Variants in FSTL4 observed in about 807,000 individuals in gnomAD.
FSTL4 encodes follistatin-related protein 4.
Under a neutral mutation model 78.2 loss-of-function variants are expected in FSTL4, and 28 were observed. The ratio of observed to expected loss-of-function variants is 0.36; its 90% CI spans 0.27 to 0.49. The LOEUF (loss-of-function observed/expected upper bound fraction) is 0.49, where lower values mean the gene tolerates loss of function less well. FSTL4 is among the 20% of genes least tolerant of loss of function. The pLI, the probability that FSTL4 is intolerant of heterozygous loss-of-function variation, is 0.98. For synonymous variants in FSTL4, 422 were observed against 440.5 expected (o/e 0.96, Z 0.53); for missense variants, 922 against 1,084.9 (o/e 0.85, Z 2.11).
At chr5:133,830,676 C>T in the FSTL4 span, among the ~76,000 whole-genome samples, 1 of 152,212 alleles carries the variant, frequency 6.6e-6, no homozygotes, top group East Asian at 1.9e-4. Flanking sequence ...GAGCTGGCAC[C>T]TGTGCTGGCC....
At chr5:133,384,713 G>C (rs957389430) in intron 4 of FSTL4, among the ~76,000 whole-genome samples, 1 of 152,130 alleles carries the variant, frequency 6.6e-6, no homozygotes, top group Non-Finnish European at 1.5e-5. Flanking sequence ...TGATCTTTCT[G>C]AACACCAGGC....
At chr5:133,391,236 G>T (rs1216090479) in intron 4 of FSTL4, among the ~76,000 whole-genome samples, 1 of 152,210 alleles carries the variant, frequency 6.6e-6, no homozygotes, top group African/African-American at 2.4e-5. Context: ...CTACACGGGG[G>T]CCTTGATCTT....
intron 3 of FSTL4, among the ~76,000 whole-genome samples, chr5:133,527,652 G>C (rs1412395320): frequency 1.3e-5 from 2 of 152,234 alleles, no homozygotes; most frequent in East Asian, 1.9e-4. Flanking sequence ...ACTCAGAGTA[G>C]CAAGAGTCAT....
At chr5:133,793,129 C>A in the FSTL4 span, among the ~76,000 whole-genome samples, 3 of 152,178 alleles carry the variant, frequency 2.0e-5, no homozygotes, top group Non-Finnish European at 2.9e-5. Flanking sequence ...ACAACTGAGG[C>A]CCACCCCTCA....
chr5:133,313,173 C>T (rs1753828587), intron 5 of FSTL4, among the ~76,000 whole-genome samples: 1 of 152,222 alleles, frequency 6.6e-6, no homozygotes, highest in African/African-American at 2.4e-5. Flanking sequence ...TGGCTGAACT[C>T]AGTGTGGGGA....
the FSTL4 span, among the ~76,000 whole-genome samples, chr5:133,657,766 GTTTTTTTTGTTTTTTTT>G: frequency 4.7e-5 from 4 of 85,944 alleles, no homozygotes; most frequent in African/African-American, 1.0e-4. Flanking sequence ...ACTGTTTTTT[GTTTTTTTTGTTTTTTTT>G]TTTTTTTACC....
chr5:133,712,463 A>G, the FSTL4 span, among the ~76,000 whole-genome samples: 1 of 152,200 alleles, frequency 6.6e-6, no homozygotes, highest in Non-Finnish European at 1.5e-5. Context: ...GACTGGGTTC[A>G]AATCCTGGTC....
At chr5:133,208,603 T>C (rs889199405) in intron 14 of FSTL4, among the ~76,000 whole-genome samples, 1 of 152,264 alleles carries the variant, frequency 6.6e-6, no homozygotes, top group African/African-American at 2.4e-5. Flanking sequence ...GGGTTTGCTC[T>C]GTGATTTGAG....
intron 3 of FSTL4, among the ~76,000 whole-genome samples, chr5:133,498,248 T>A (rs1211147786): frequency 1.3e-5 from 2 of 152,186 alleles, no homozygotes; most frequent in Admixed American, 1.3e-4. Flanking sequence ...CATTCTCTCA[T>A]CTCTGTCTTC....
chr5:133,534,275 A>G (rs1269643074), intron 3 of FSTL4, among the ~76,000 whole-genome samples: 1 of 152,074 alleles, frequency 6.6e-6, no homozygotes, highest in East Asian at 1.9e-4. Flanking sequence ...CTGTCACTTG[A>G]GTTTAAGAAA....
the FSTL4 span, among the ~76,000 whole-genome samples, chr5:133,632,074 C>G: frequency 6.6e-6 from 1 of 152,076 alleles, no homozygotes; most frequent in Non-Finnish European, 1.5e-5. Context: ...TGCAGCAAAC[C>G]ACCATGGCAC....
At chr5:133,494,083 G>A (rs929434778) in intron 3 of FSTL4, among the ~76,000 whole-genome samples, 2 of 152,156 alleles carry the variant, frequency 1.3e-5, no homozygotes. Flanking sequence ...GCCATACTAA[G>A]ATATCTGGTT....
chr5:133,662,258 C>T, the FSTL4 span, among the ~76,000 whole-genome samples: 1 of 152,204 alleles, frequency 6.6e-6, no homozygotes, highest in African/African-American at 2.4e-5. Flanking sequence ...ATTCCTAAAA[C>T]ATGAGCAGCT....
chr5:133,245,205 G>A (rs1434191688), intron 7 of FSTL4, among the ~76,000 whole-genome samples: 1 of 151,910 alleles, frequency 6.6e-6, no homozygotes, highest in East Asian at 1.9e-4. Flanking sequence ...GTGGAAGCCA[G>A]GGAGACCCTG....
At chr5:133,205,465 A>T (rs1750468505) in intron 14 of FSTL4, among the ~76,000 whole-genome samples, 1 of 152,028 alleles carries the variant, frequency 6.6e-6, no homozygotes, top group Non-Finnish European at 1.5e-5. Flanking sequence ...AAAATAAATT[A>T]TCCTTGCATA....
At chr5:133,217,594 C>T (rs1217246300) in intron 12 of FSTL4, among the ~76,000 whole-genome samples, 25 of 152,190 alleles carry the variant, frequency 1.6e-4, no homozygotes. Flanking sequence ...TGCACCCGCT[C>T]AGTTAGCAGC....
chr5:133,483,654 G>A (rs17630080), intron 3 of FSTL4, among the ~76,000 whole-genome samples: 23,779 of 152,182 alleles, frequency 0.16, 2,347 homozygotes, highest in Middle Eastern at 0.24. Context: ...TTGGTGCTTC[G>A]GAGCTTCTCA....
At chr5:133,544,267 T>C (rs1230124756) in intron 3 of FSTL4, among the ~76,000 whole-genome samples, 1 of 152,208 alleles carries the variant, frequency 6.6e-6, no homozygotes, top group African/African-American at 2.4e-5. Flanking sequence ...ATTCTTCCTG[T>C]TGGAAAACAT....
intron 11 of FSTL4, among the ~76,000 whole-genome samples, chr5:133,222,599 G>T (rs1197167518): frequency 6.6e-6 from 1 of 152,170 alleles, no homozygotes; most frequent in Non-Finnish European, 1.5e-5. Flanking sequence ...GCCCACATGG[G>T]GTTTGTGGCT....
Sources: allele counts gnomAD v4.1 joint callset (sites outside exome capture counted in the v4.1 genomes callset), GRCh38; gene constraint gnomAD v4.1.1; transcripts MANE v1.5; gene names NCBI Gene and HGNC (gene_info 2026-07-23, HGNC 2026-07-21).